Variants in XIRP2 observed in about 807,000 individuals in gnomAD.
XIRP2 encodes xin actin binding repeat containing 2.
In XIRP2, 236 loss-of-function variants were observed where a neutral mutation model predicts 277.0. The observed-to-expected ratio is 0.85, with a 90% CI of 0.77 to 0.95. XIRP2 has a LOEUF of 0.95. Ranked by LOEUF, XIRP2 falls within the 40% of genes least tolerant of loss-of-function variation. The pLI is 0.00. For synonymous variants in XIRP2, 1,490 were observed against 1,416.5 expected, an observed-to-expected ratio of 1.05 and a Z score of -1.17; for missense variants, 4,640 against 4,157.5, an observed-to-expected ratio of 1.12 and a Z score of -3.19.
At chr2:167,175,535 G>A (rs1019685834) in intron 3 of XIRP2, among the ~76,000 whole-genome samples, 1 of 152,134 alleles carries the variant, frequency 6.6e-6, no homozygotes, top group Non-Finnish European at 1.5e-5. Context: ...GCACCTGCCA[G>A]ATGCCAGCTG....
At chr2:167,090,744 A>AT (rs1428579602) in intron 2 of XIRP2, among the ~76,000 whole-genome samples, 1 of 152,078 alleles carries the variant, frequency 6.6e-6, no homozygotes, top group Non-Finnish European at 1.5e-5. Flanking sequence ...TCCTGGCTTT[A>AT]TAACAACCCA....
At chr2:167,191,670 T>A (rs1279849385) in intron 3 of XIRP2, among the ~76,000 whole-genome samples, 1 of 152,206 alleles carries the variant, frequency 6.6e-6, no homozygotes, top group African/African-American at 2.4e-5. Context: ...TTTGTTCATC[T>A]TTGTTAGCTG....
chr2:167,100,891 A>T (rs532424579), intron 2 of XIRP2, among the ~76,000 whole-genome samples: 1 of 152,340 alleles, frequency 6.6e-6, no homozygotes, highest in East Asian at 1.9e-4. Flanking sequence ...AAGATAAAGC[A>T]GAAGTTTATT....
In XIRP2 at chr2:167,251,308, T is replaced by C; in HGVS notation, c.9916T>C (p.Ser3306Pro). Residue 3306 changes from serine (S) to proline (P), a missense_variant, in exon 9 of 11, where the codon TCA (serine) becomes CCA (proline). Transcript: ENST00000409195. The part of the protein sequence containing the change: ...IRKVAVPPRL[S>P]EHTQRYEAAN... Reference sequence around the variant, plus strand: ...CAAGGTTGCAGTGCCTCCTCGCCTGTCAGAGCACACACAGAGATATGAAGC... The same window carrying C: ...CAAGGTTGCAGTGCCTCCTCGCCTGCCAGAGCACACACAGAGATATGAAGC... The C allele has an allele frequency of 6.2e-7, 1 of 1,613,618 alleles. No individual in the cohort carries two copies. Among genetic ancestry groups the C allele is most frequent in the Non-Finnish European group, 8.5e-7 (1 of 1,179,712 alleles).
chr2:167,093,366 A>C (rs899647810), intron 2 of XIRP2, among the ~76,000 whole-genome samples: 1 of 151,986 alleles, frequency 6.6e-6, no homozygotes, highest in Non-Finnish European at 1.5e-5. Flanking sequence ...TGTGCAGAAC[A>C]TGCAGGTTTA....
intron 2 of XIRP2, among the ~76,000 whole-genome samples, chr2:166,938,107 C>T (rs569470062): frequency 2.0e-4 from 30 of 152,032 alleles, no homozygotes; most frequent in East Asian, 9.7e-4. Flanking sequence ...AGTTCTGCTC[C>T]GATCTTAGTT....
At chr2:167,028,459 G>A (rs1688236427) in intron 2 of XIRP2, among the ~76,000 whole-genome samples, 1 of 152,040 alleles carries the variant, frequency 6.6e-6, no homozygotes, top group South Asian at 2.1e-4. Context: ...AGGCCACCAA[G>A]GCAATATCTC....
At chr2:167,241,705 C>T (rs1695072068) in intron 7 of XIRP2, 72 bp from the exon 8 acceptor site, 43 of 1,499,048 alleles carry the variant, frequency 2.9e-5, no homozygotes, top group Non-Finnish European at 3.4e-5. Flanking sequence ...CCACCATGCC[C>T]AGCCATAATT....
chr2:167,014,934 A>AT (rs1293377968), intron 2 of XIRP2, among the ~76,000 whole-genome samples: 1 of 151,842 alleles, frequency 6.6e-6, no homozygotes. Flanking sequence ...AATACATTAC[A>AT]TTTTATTGCC....
At chr2:167,112,222 C>G (rs1558983946) in intron 2 of XIRP2, among the ~76,000 whole-genome samples, 1 of 151,694 alleles carries the variant, frequency 6.6e-6, no homozygotes, top group Admixed American at 6.6e-5. Flanking sequence ...TTGGTTTGCT[C>G]TTGCTTCTCT....
intron 5 of XIRP2, among the ~76,000 whole-genome samples, chr2:167,218,741 A>G (rs188202581): frequency 2.0e-4 from 31 of 152,280 alleles, no homozygotes; most frequent in African/African-American, 7.0e-4. Context: ...TTTCTTTAAA[A>G]TCCTCAAACA....
chr2:166,892,342 G>T (rs756974960), intron 1 of XIRP2, among the ~76,000 whole-genome samples: 1 of 152,120 alleles, frequency 6.6e-6, no homozygotes, highest in African/African-American at 2.4e-5. Context: ...ACACTGGGCC[G>T]GAGTATGGTG....
rs141790436 is a variant in XIRP2, at chr2:166,972,011, T to C, written c.408+68121T>C. On this transcript the variant is annotated intron_variant, in intron 2 of 10. Transcript: ENST00000409195. The stretch of plus-strand genomic sequence containing the variant: ...TTCACACCAAACTCCTATGTTGAGG[T>C]CCTAATCCCCAAAATGAGGATATTT... Among the ~76,000 whole-genome samples the C allele has an allele frequency of 7.1e-3, 1,083 of 152,234 alleles. 9 individuals are homozygous for C. Among genetic ancestry groups the C allele is most frequent in the Non-Finnish European group, 0.012 (819 of 68,008 alleles).
chr2:167,174,235 G>A (rs112491758), intron 3 of XIRP2, among the ~76,000 whole-genome samples: 1 of 152,068 alleles, frequency 6.6e-6, no homozygotes, highest in African/African-American at 2.4e-5. Context: ...CTGTGAATCT[G>A]TCTGGTCCTG....
At chr2:167,063,309 G>C (rs1018088830) in intron 2 of XIRP2, among the ~76,000 whole-genome samples, 3 of 151,846 alleles carry the variant, frequency 2.0e-5, no homozygotes, top group African/African-American at 7.2e-5. Context: ...ATTGAGACTT[G>C]TTTTATGACC....
intron 2 of XIRP2, among the ~76,000 whole-genome samples, chr2:167,115,183 A>G (rs528749492): frequency 1.3e-5 from 2 of 152,168 alleles, no homozygotes; most frequent in South Asian, 2.1e-4. Context: ...CAATTCTTAT[A>G]GTGTGTTTTT....
At chr2:166,891,660 AGTT>A (rs899324320) in intron 1 of XIRP2, among the ~76,000 whole-genome samples, 2 of 152,090 alleles carry the variant, frequency 1.3e-5, no homozygotes, top group Non-Finnish European at 1.5e-5. Flanking sequence ...AAACACTTTC[AGTT>A]GTTGTCTTTT....
At chr2:167,008,480 A>T (rs936356524) in intron 2 of XIRP2, among the ~76,000 whole-genome samples, 1 of 151,644 alleles carries the variant, frequency 6.6e-6, no homozygotes, top group Non-Finnish European at 1.5e-5. Context: ...CCCCCATTTT[A>T]TATACTATTT....
chr2:167,008,912 T>C (rs952785962), intron 2 of XIRP2, among the ~76,000 whole-genome samples: 3 of 151,702 alleles, frequency 2.0e-5, no homozygotes, highest in Non-Finnish European at 4.4e-5. Flanking sequence ...TAACACAACA[T>C]ACTTTTCACC....
Sources: allele counts gnomAD v4.1 joint callset (sites outside exome capture counted in the v4.1 genomes callset), GRCh38; gene constraint gnomAD v4.1.1; transcripts MANE v1.5; gene names NCBI Gene and HGNC (gene_info 2026-07-23, HGNC 2026-07-21).